Variants in MPP3 observed in about 807,000 individuals in gnomAD.
The protein encoded by MPP3 is MAGUK p55 scaffold protein 3, also known as MAGUK p55 subfamily member 3.
MPP3 carries 48 observed loss-of-function variants against 80.7 expected under a neutral mutation model. The ratio of observed to expected loss-of-function variants is 0.59; its 90% confidence interval spans 0.47 to 0.76. The LOEUF is 0.76. Among genes scored for constraint, MPP3 ranks in the 30% least tolerant of loss-of-function variants. The pLI is 0.00. For missense variants in MPP3, 620 were observed against 763.0 expected, an observed-to-expected ratio of 0.81 and a Z score of 2.21; for synonymous variants, 311 against 297.6, an observed-to-expected ratio of 1.04 and a Z score of -0.46.
chr17:43,817,467 C>G (rs207476416), intron 12 of MPP3, among the ~76,000 whole-genome samples: 1 of 152,176 alleles, frequency 6.6e-6, no homozygotes, highest in Non-Finnish European at 1.5e-5. Context: ...TTCAAATAAA[C>G]AACAAGTAAC....
At chr17:43,813,500 C>T (rs1374496174) in intron 16 of MPP3, among the ~76,000 whole-genome samples, 1 of 152,116 alleles carries the variant, frequency 6.6e-6, no homozygotes, top group Non-Finnish European at 1.5e-5. Context: ...GTGCCCCTGG[C>T]AGCAGTAAGC....
chr17:43,827,885 A>T, intron 7 of MPP3, 53 bp from the exon 8 acceptor site: 1 of 1,561,220 alleles, frequency 6.4e-7, no homozygotes, highest in Middle Eastern at 1.7e-4. Context: ...CAAACCTCAG[A>T]CCCCTACTCT....
chr17:43,826,832 T>TATA lies in MPP3; in HGVS notation c.523+918_523+919insTAT, dbSNP rs1567824060. 1.4e-3 allele frequency among the ~76,000 whole-genome samples: 151 copies of TATA among 110,760 alleles called. 2 individuals are homozygous for TATA. The highest frequency in any genetic ancestry group is 5.5e-3 in the African/African-American group (145 of 26,250). The allele number at this position is 110,760 out of a possible 152,430, so 72.7% of individuals were successfully genotyped here. A position where few individuals can be genotyped will look rare whatever the true frequency, so the allele number is the denominator to read the frequency against. Reference sequence around the variant, plus strand: ...CATGACTATTTATATATATATATATTTTTTTTTTTTTTCTTTTTTTTTTGA... The same window carrying TATA: ...CATGACTATTTATATATATATATATTATATTTTTTTTTTTTCTTTTTTTTTTGA... On this transcript the variant is annotated intron_variant, in intron 8 of 19. Transcript: ENST00000398389.
intron 7 of MPP3, 57 bp downstream of exon 7, chr17:43,829,597 G>A (rs1249644516): frequency 6.3e-7 from 1 of 1,594,614 alleles, no homozygotes; most frequent in Non-Finnish European, 8.5e-7. Context: ...AGTGTTCTGG[G>A]TGGGGGTGAG....
intron 16 of MPP3, 60 bp from the exon 17 acceptor site, chr17:43,811,265 G>A: frequency 1.5e-6 from 2 of 1,357,992 alleles, no homozygotes; most frequent in Non-Finnish European, 1.1e-6. Context: ...CGCAGGGACA[G>A]CAGCAGGCTT....
At chr17:43,814,443 C>T in intron 14 of MPP3, 82 bp from the exon 15 acceptor site, 1 of 1,439,340 alleles carries the variant, frequency 6.9e-7, no homozygotes, top group Admixed American at 2.1e-5. Flanking sequence ...TCCCACCTGG[C>T]CAGACCTGGA....
intron 1 of MPP3, 138 bp from the exon 2 acceptor site, chr17:43,832,957 C>T (rs1258194855): frequency 6.7e-6 from 1 of 148,828 alleles, no homozygotes; most frequent in African/African-American, 2.5e-5. Flanking sequence ...AGGCGGGGGC[C>T]GAGGGGCGGG....
Position 43,814,339 on chromosome 17 carries a change from C to T in MPP3, c.1032G>A (p.Arg344=). 6.2e-7 allele frequency: 1 copy of T among 1,606,026 alleles called. No homozygotes were observed. The change falls in exon 15 of 20, where the codon CGG becomes CGA. Residue 344 remains arginine, a synonymous_variant. Transcript: ENST00000398389. The part of the protein sequence containing the change: ...HYVAGLRRSF[R]LGCRERLGGS... ...CACCCAGTCTCTCCCTACAGCCCAG[C>T]CGGAAGCTCCTCCGAAGACCAGCTT...
At position 43,820,934 on chromosome 17, in the gene MPP3, C is replaced by T. The variant is rs1172743429; in HGVS notation, c.809G>A (p.Trp270Ter). 2.5e-6 allele frequency: 4 copies of T among 1,614,006 alleles called. No individual in the cohort carries two copies. The highest frequency in any genetic ancestry group is 3.4e-6 in the Non-Finnish European group (4 of 1,180,026). Residue 270 changes from tryptophan (W) to a stop codon, truncating the protein, a stop_gained, in exon 11 of 20, where the codon TGG becomes TAG. Transcript: ENST00000398389. LOFTEE classifies it high-confidence loss of function. ...GTCCCCGACTCGCTTGGCCTGCCAC[C>T]ACGTGGGGTCGTCCTGGCTCACCAC... ...LEVVSQDDPT[W>*]WQAKRVGDTN...
Position 43,831,239 on chromosome 17 carries a change from C to T in MPP3, c.222+5G>A. On this transcript the variant is annotated splice_donor_5th_base_variant and intron_variant, in intron 5 of 19. Transcript: ENST00000398389. Reference sequence around the variant, plus strand: ...AGACACTGTAAGGAGAAACCTGGGGCTTACGTCCTCAGCGAGGGCCACAGC... The same window carrying T: ...AGACACTGTAAGGAGAAACCTGGGGTTTACGTCCTCAGCGAGGGCCACAGC... The T allele has an allele frequency of 6.2e-7, 1 of 1,613,948 alleles. No individual in the cohort carries two copies. Among genetic ancestry groups the T allele is most frequent in the African/African-American group, 1.3e-5 (1 of 75,046 alleles).
rs2045778686 is a variant in MPP3, at chr17:43,827,723, G to A, written c.523+28C>T. The A allele has an allele frequency of 1.9e-6, 3 of 1,605,564 alleles. No homozygotes were observed. In the South Asian group the frequency reaches 3.3e-5, roughly 18 times the overall value. ...TGGAACAATGGCCATGATCGGGGCTGGGCCAGCTTTGCACTGCCGCCACTC... is the reference window on the plus strand; with the variant it reads ...TGGAACAATGGCCATGATCGGGGCTAGGCCAGCTTTGCACTGCCGCCACTC... On this transcript the variant is annotated intron_variant, in intron 8 of 19. Coordinates refer to ENST00000398389, the MANE Select transcript of MPP3 (RefSeq NM_001932.6).
chr17:43,816,838 G>C, intron 12 of MPP3, 141 bp from the exon 13 acceptor site: 1 of 757,984 alleles, frequency 1.3e-6, no homozygotes, highest in African/African-American at 1.7e-5. Context: ...CCTGTGATCT[G>C]AGCTGTGGTA....
intron 8 of MPP3, 79 bp from the exon 9 acceptor site, chr17:43,825,920 G>A (rs368578895): frequency 1.1e-6 from 1 of 922,412 alleles, no homozygotes; most frequent in African/African-American, 1.6e-5. Context: ...GCACCACAGG[G>A]GCCGGCCTGA....
At chr17:43,819,103 G>C (rs568550647) in intron 11 of MPP3, 1 of 152,206 alleles carries the variant, frequency 6.6e-6, no homozygotes, top group Non-Finnish European at 1.5e-5. Context: ...GTTAGAATGT[G>C]AGTTTCTGGG....
At chr17:43,826,321 C>T (rs1303094985) in intron 8 of MPP3, among the ~76,000 whole-genome samples, 1 of 152,186 alleles carries the variant, frequency 6.6e-6, no homozygotes, top group Non-Finnish European at 1.5e-5. Context: ...TGACTAATGT[C>T]TCTGCATATT....
At chr17:43,831,375 G>C in intron 4 of MPP3, 54 bp from the exon 5 acceptor site, 1 of 1,565,438 alleles carries the variant, frequency 6.4e-7, no homozygotes, top group Non-Finnish European at 8.8e-7. Flanking sequence ...TCCCACCCAC[G>C]GCTGTGGGGA....
chr17:43,810,903 A>G lies in MPP3; in HGVS notation c.1362T>C (p.His454=). 6.2e-7 allele frequency: 1 copy of G among 1,604,020 alleles called. No homozygotes were observed. Among genetic ancestry groups the G allele is most frequent in the Non-Finnish European group, 8.5e-7 (1 of 1,177,054 alleles). Residue 454 remains histidine, a synonymous_variant, in exon 18 of 20, where the codon CAT becomes CAC. Coordinates refer to ENST00000398389, the MANE Select transcript of MPP3 (RefSeq NM_001932.6). ...CATACAGATTTTCCTTATATTCACC[A>G]TGTTCCAGGAACCTAAAACACCACC... ...ADLHHNKFLE[H]GEYKENLYGT... is the part of the protein sequence containing the mutation.
chr17:43,809,472 C>T (rs191718412), intron 18 of MPP3, among the ~76,000 whole-genome samples: 80 of 152,322 alleles, frequency 5.3e-4, no homozygotes, highest in Middle Eastern at 3.4e-3. Flanking sequence ...ATCAATCGGA[C>T]TACATTATTA....
At position 43,801,854 on chromosome 17, in the gene MPP3, G is replaced by C. The variant is rs113789786; in HGVS notation, c.1605C>G (p.Ala535=). 1 of 1,612,918 alleles carries C rather than the reference G, an allele frequency of 6.2e-7. No individual in the cohort carries two copies. The highest frequency in any genetic ancestry group is 1.3e-5 in the African/African-American group (1 of 74,910). The part of the protein sequence containing the change: ...APFDEQQQEM[A]ASAAFIDRHY... ...GCCGGTCTATGAAGGCGGCAGAAGC[G>C]GCCATCTCTTGCTGCTGCTCATCCT... Residue 535 remains alanine (A), a synonymous_variant, in exon 20 of 20, where the codon GCC becomes GCG. Coordinates refer to ENST00000398389, the MANE Select transcript of MPP3 (RefSeq NM_001932.6).
Sources: gnomAD v4.1 joint callset for allele counts (sites outside exome capture counted in the v4.1 genomes callset) on GRCh38, gnomAD v4.1.1 for gene constraint, MANE v1.5 for transcripts, NCBI Gene and HGNC (gene_info 2026-07-23, HGNC 2026-07-21) for gene names.